SGSM1: variants seen among roughly 807,000 people sequenced by gnomAD.
The protein encoded by SGSM1 is small G protein signaling modulator 1.
Under a neutral mutation model 133.8 loss-of-function variants are expected in SGSM1, and 73 were observed. The ratio of observed to expected loss-of-function variants is 0.55; its 90% CI spans 0.45 to 0.66. SGSM1 has a LOEUF of 0.66. Ranked by LOEUF, SGSM1 falls within the 30% of genes least tolerant of loss-of-function variation. The pLI is 0.00. For missense variants in SGSM1, 1,213 were observed against 1,448.1 expected, an observed-to-expected ratio of 0.84 and a Z score of 2.64; for synonymous variants, 563 against 573.0, an observed-to-expected ratio of 0.98 and a Z score of 0.25.
chr22:24,908,505 G>A lies in SGSM1; in HGVS notation c.2818+3318G>A, dbSNP rs537908969. On this transcript the variant is annotated intron_variant, in intron 21 of 24. Coordinates refer to ENST00000400358, the MANE Select transcript of SGSM1 (RefSeq NM_001098497.3). ...ATATAAACAACTCTTACAATTCAAC[G>A]GTAAAAAGACAACCTGGCCAGGCGC... Among the ~76,000 whole-genome samples, 11 of 152,104 alleles carry A rather than the reference G, an allele frequency of 7.2e-5. No homozygotes were observed. In the East Asian group the frequency reaches 1.7e-3, roughly 24 times the overall value.
chr22:24,867,484 C>T (rs1196396075), intron 10 of SGSM1, among the ~76,000 whole-genome samples: 2 of 152,224 alleles, frequency 1.3e-5, no homozygotes, highest in Admixed American at 6.5e-5. Context: ...CAGTTCTGAG[C>T]ACTCACATGC....
chr22:24,812,235 G>T (rs1927796110), intron 2 of SGSM1, among the ~76,000 whole-genome samples: 1 of 152,048 alleles, frequency 6.6e-6, no homozygotes, highest in Non-Finnish European at 1.5e-5. Flanking sequence ...TTTGCTGGGG[G>T]CTTCTGGCTT....
intron 2 of SGSM1, among the ~76,000 whole-genome samples, chr22:24,843,288 GAGCC>G (rs1456616313): frequency 2.0e-5 from 3 of 152,094 alleles, no homozygotes; most frequent in African/African-American, 7.2e-5. Context: ...TGGGGGTGGT[GAGCC>G]AGCTCTAGGG....
chr22:24,815,788 G>A (rs1375138233), intron 2 of SGSM1, among the ~76,000 whole-genome samples: 2 of 152,146 alleles, frequency 1.3e-5, no homozygotes, highest in Non-Finnish European at 2.9e-5. Context: ...GAGTTGGTCA[G>A]CAGGAAGCAG....
At chr22:24,896,017 C>G (rs1275552919) in intron 18 of SGSM1, among the ~76,000 whole-genome samples, 1 of 152,154 alleles carries the variant, frequency 6.6e-6, no homozygotes, top group African/African-American at 2.4e-5. Context: ...CCACTGCACT[C>G]CAGCCTGGGT....
rs111899110 is a variant in SGSM1, at chr22:24,825,630, G to A, written c.63+19146G>A. Reference sequence around the variant, plus strand: ...TTTTTAGTAGAGACGGGGTGTTACCGTATTGGCCAGGCTGGTCTCGAACTC... The same window carrying A: ...TTTTTAGTAGAGACGGGGTGTTACCATATTGGCCAGGCTGGTCTCGAACTC... On this transcript the variant is annotated intron_variant, in intron 2 of 24. Transcript: ENST00000400358. 2.9e-3 allele frequency among the ~76,000 whole-genome samples: 445 copies of A among 152,082 alleles called. 1 individual carries two copies. The highest frequency in any genetic ancestry group is 9.8e-3 in the African/African-American group (408 of 41,512).
intron 20 of SGSM1, 105 bp downstream of exon 20, chr22:24,902,062 A>C (rs1023797329): frequency 8.3e-7 from 1 of 1,205,816 alleles, no homozygotes; most frequent in Admixed American, 2.2e-5. Flanking sequence ...TGAAGCTGGC[A>C]TCATACTCAC....
intron 8 of SGSM1, among the ~76,000 whole-genome samples, chr22:24,857,773 T>G (rs1221227654): frequency 6.6e-6 from 1 of 152,202 alleles, no homozygotes; most frequent in African/African-American, 2.4e-5. Context: ...CAAATAAAGT[T>G]TTATTGGGAC....
chr22:24,819,094 A>C (rs912634684), intron 2 of SGSM1, among the ~76,000 whole-genome samples: 10 of 151,300 alleles, frequency 6.6e-5, no homozygotes, highest in African/African-American at 9.7e-5. Context: ...TGCAGTGAGC[A>C]GAGATTGCAC....
intron 16 of SGSM1, among the ~76,000 whole-genome samples, chr22:24,890,909 G>T (rs1354472021): frequency 6.6e-6 from 1 of 152,096 alleles, no homozygotes; most frequent in East Asian, 1.9e-4. Flanking sequence ...TTTAACATTT[G>T]ATTTAAATTG....
Position 24,844,947 on chromosome 22 carries a change from CAG to C in SGSM1, c.115_116del (p.Ser39GlnfsTer30). 1 of 1,613,828 alleles carries C rather than the reference CAG, an allele frequency of 6.2e-7. No individual in the cohort carries two copies. The highest frequency in any genetic ancestry group is 2.2e-5 in the East Asian group (1 of 44,864). The part of the protein sequence containing the change: ...AVTRKFVHED[S>X]SHIISFCAAV... ...TGACACGCAAGTTTGTCCACGAAGA[CAG>C]CAGCCACATCATCTCCTTCTGTGGT... On this transcript the variant is annotated frameshift_variant, in exon 3 of 25. Transcript: ENST00000400358. LOFTEE classifies it high-confidence loss of function.
intron 9 of SGSM1, among the ~76,000 whole-genome samples, chr22:24,865,170 C>G (rs577326153): frequency 6.6e-6 from 1 of 152,330 alleles, no homozygotes; most frequent in Admixed American, 6.5e-5. Flanking sequence ...TTCCAGTGCT[C>G]AGCATTCACT....
intron 24 of SGSM1, among the ~76,000 whole-genome samples, chr22:24,923,929 C>T (rs1453946828): frequency 2.6e-5 from 4 of 152,104 alleles, no homozygotes; most frequent in African/African-American, 9.7e-5. Flanking sequence ...GCCGACCTCA[C>T]CTTTTTATGG....
chr22:24,872,490 T>TAA (rs554512814), intron 12 of SGSM1, among the ~76,000 whole-genome samples: 1,737 of 148,404 alleles, frequency 0.012, 16 homozygotes, highest in African/African-American at 0.04. Context: ...GAGACTTTGT[T>TAA]AAAAAAAAAA....
intron 21 of SGSM1, 35 bp downstream of exon 21, chr22:24,905,222 G>C (rs776330730): frequency 6.3e-7 from 1 of 1,593,648 alleles, no homozygotes. Flanking sequence ...GGCTGAGGGT[G>C]CATTTCCTTT....
At position 24,901,804 on chromosome 22, in the gene SGSM1, C is replaced by A. The variant is rs116661040; in HGVS notation, c.2611-29C>A. 6,010 of 1,606,726 alleles carry A rather than the reference C, an allele frequency of 3.7e-3. 197 individuals carry two copies. The African/African-American group carries it at 0.07, about 19-fold the overall frequency. ...CTTAGATGTGATTTTTCATTTCTTCCCCCTACCCCCTGCCCCGATGGCCTA... is the reference window on the plus strand; with the variant it reads ...CTTAGATGTGATTTTTCATTTCTTCACCCTACCCCCTGCCCCGATGGCCTA... On this transcript the variant is annotated intron_variant, in intron 19 of 24. Transcript: ENST00000400358.
At chr22:24,894,628 G>A (rs975584867) in intron 17 of SGSM1, among the ~76,000 whole-genome samples, 1 of 152,160 alleles carries the variant, frequency 6.6e-6, no homozygotes, top group Non-Finnish European at 1.5e-5. Flanking sequence ...TTGGGCTCTC[G>A]TATTTGCCTG....
At chr22:24,852,223 A>G (rs372541389) in intron 5 of SGSM1, among the ~76,000 whole-genome samples, 23 of 152,362 alleles carry the variant, frequency 1.5e-4, no homozygotes, top group African/African-American at 4.8e-4. Flanking sequence ...GTACAATACT[A>G]TTAACTAACT....
At chr22:24,916,914 T>C (rs1393567484) in intron 22 of SGSM1, among the ~76,000 whole-genome samples, 3 of 152,120 alleles carry the variant, frequency 2.0e-5, no homozygotes, top group Non-Finnish European at 4.4e-5. Flanking sequence ...GGTCTCACTC[T>C]GTCACCCAGG....
Sources: gnomAD v4.1 joint callset for allele counts (sites outside exome capture counted in the v4.1 genomes callset) on GRCh38, gnomAD v4.1.1 for gene constraint, MANE v1.5 for transcripts, NCBI Gene and HGNC (gene_info 2026-07-23, HGNC 2026-07-21) for gene names.